SAMD4A: variants seen among roughly 807,000 people sequenced by gnomAD.
The protein encoded by SAMD4A is protein Smaug homolog 1.
A neutral mutation model predicts 81.3 loss-of-function variants in SAMD4A; 33 were observed. The ratio of observed to expected loss-of-function variants is 0.41; its 90% CI spans 0.31 to 0.54. The LOEUF (loss-of-function observed/expected upper bound fraction) is 0.54. SAMD4A is among the 20% of genes least tolerant of loss of function. SAMD4A has a pLI of 0.37. For missense variants in SAMD4A, 854 were observed against 951.1 expected (o/e 0.90, Z 1.34); for synonymous variants, 389 against 382.1 (o/e 1.02, Z -0.21).
intron 2 of SAMD4A, among the ~76,000 whole-genome samples, chr14:54,594,901 G>A (rs2140197548): frequency 6.6e-6 from 1 of 152,174 alleles, no homozygotes; most frequent in Middle Eastern, 3.4e-3. Flanking sequence ...CATCTTACAA[G>A]GTCTATTTCC....
chr14:54,631,521 G>A (rs1594754223), intron 2 of SAMD4A, among the ~76,000 whole-genome samples: 1 of 152,224 alleles, frequency 6.6e-6, no homozygotes. Flanking sequence ...TCATGTGAAG[G>A]TATAACAAGA....
chr14:54,689,728 T>C (rs1240372024), intron 2 of SAMD4A: 2 of 152,254 alleles, frequency 1.3e-5, no homozygotes, highest in Admixed American at 1.3e-4. Context: ...ACCAGCATCT[T>C]GGGCTCCGAT....
intron 8 of SAMD4A, among the ~76,000 whole-genome samples, chr14:54,767,021 C>CGG (rs2038564422): frequency 6.6e-6 from 1 of 152,180 alleles, no homozygotes; most frequent in East Asian, 1.9e-4. Flanking sequence ...GCTGGGGGCC[C>CGG]CGGTCAGGAA....
At chr14:54,665,744 C>G (rs2035744516) in intron 2 of SAMD4A, among the ~76,000 whole-genome samples, 1 of 152,130 alleles carries the variant, frequency 6.6e-6, no homozygotes, top group Non-Finnish European at 1.5e-5. Flanking sequence ...CTAACCATCC[C>G]TAATGAACCC....
chr14:54,671,865 G>A (rs1482909711), intron 2 of SAMD4A, among the ~76,000 whole-genome samples: 2 of 152,104 alleles, frequency 1.3e-5, no homozygotes, highest in African/African-American at 4.8e-5. Context: ...GCCCTAGCAG[G>A]AAGCTGAACT....
chr14:54,660,072 T>G (rs140967664), intron 2 of SAMD4A, among the ~76,000 whole-genome samples: 2,306 of 151,116 alleles, frequency 0.015, 44 homozygotes, highest in African/African-American at 0.052. Flanking sequence ...AGAGCGAGAC[T>G]CCGTCTCAGA....
At chr14:54,600,060 G>A (rs997569501) in intron 2 of SAMD4A, among the ~76,000 whole-genome samples, 1 of 152,174 alleles carries the variant, frequency 6.6e-6, no homozygotes, top group Non-Finnish European at 1.5e-5. Context: ...TGCCAGGCTG[G>A]AGTGAGTAAT....
chr14:54,687,793 T>C (rs1030481529), intron 2 of SAMD4A, among the ~76,000 whole-genome samples: 1 of 152,136 alleles, frequency 6.6e-6, no homozygotes, highest in Non-Finnish European at 1.5e-5. Context: ...TCAAGAAATG[T>C]TTGAGATGTA....
chr14:54,711,803 G>A (rs2036996032), intron 3 of SAMD4A, among the ~76,000 whole-genome samples: 2 of 151,934 alleles, frequency 1.3e-5, no homozygotes, highest in South Asian at 2.1e-4. Flanking sequence ...AGTGGAGGAC[G>A]AGTAGGAGTG....
chr14:54,774,663 A>AAAAAAAAAG (rs1555353324), intron 9 of SAMD4A, among the ~76,000 whole-genome samples: 1 of 151,554 alleles, frequency 6.6e-6, no homozygotes, highest in Non-Finnish European at 1.5e-5. Flanking sequence ...AAAAAAAAAA[A>AAAAAAAAAG]GTTAGCTGGG....
chr14:54,784,738 G>A lies in SAMD4A; in HGVS notation c.2128+118G>A, dbSNP rs555030507. 29 of 893,278 alleles carry A rather than the reference G, an allele frequency of 3.2e-5. No homozygotes were observed. In the South Asian group the frequency reaches 3.7e-4, roughly 11 times the overall value. 55.3% of individuals were successfully genotyped at this position (893,278 alleles called of 1,614,324 possible). A position where few individuals can be genotyped will look rare whatever the true frequency, so the allele number is the denominator to read the frequency against. ...GGAGAATTGGGGGAGGACAAGGAGG[G>A]GTAGGCAGGGGACAGGGAGAAAGAG... On this transcript the variant is annotated intron_variant, in intron 12 of 12. Transcript: ENST00000554335.
chr14:54,752,866 AG>A (rs2038143634), intron 6 of SAMD4A, among the ~76,000 whole-genome samples: 1 of 152,230 alleles, frequency 6.6e-6, no homozygotes, highest in Non-Finnish European at 1.5e-5. Context: ...TGTGAGCAAT[AG>A]AATCTACATC....
intron 4 of SAMD4A, among the ~76,000 whole-genome samples, chr14:54,745,838 A>G (rs2037955358): frequency 6.6e-6 from 1 of 152,148 alleles, no homozygotes; most frequent in African/African-American, 2.4e-5. Flanking sequence ...TCAATCACAT[A>G]TCAGCTTCTG....
chr14:54,660,498 G>T (rs189579025), intron 2 of SAMD4A, among the ~76,000 whole-genome samples: 19 of 152,334 alleles, frequency 1.2e-4, no homozygotes, highest in African/African-American at 4.1e-4. Flanking sequence ...TGGGGAGCAG[G>T]AGTCCAAGGA....
intron 4 of SAMD4A, among the ~76,000 whole-genome samples, chr14:54,739,779 G>A (rs752342630): frequency 3.3e-5 from 5 of 152,196 alleles, no homozygotes; most frequent in African/African-American, 7.2e-5. Flanking sequence ...GTGCACCCAA[G>A]GAGCAGCCCT....
rs2033920716 is a variant in SAMD4A at position 54,596,745 on chromosome 14, C to G, written c.196+28633C>G. On this transcript the variant is annotated intron_variant, in intron 2 of 12. Transcript: ENST00000554335. ...TCTCCTCAGGGTCCTGCTGGCAATCCCATTGGAGGACCCAAATGAACCCCA... is the reference window on the plus strand; with the variant it reads ...TCTCCTCAGGGTCCTGCTGGCAATCGCATTGGAGGACCCAAATGAACCCCA... Among the ~76,000 whole-genome samples, 3 of 152,154 alleles carry G rather than the reference C, an allele frequency of 2.0e-5. No individual in the cohort carries two copies. The South Asian group carries it at 6.2e-4, about 31-fold the overall frequency.
chr14:54,747,187 A>C (rs566905406), intron 4 of SAMD4A, among the ~76,000 whole-genome samples: 1 of 152,358 alleles, frequency 6.6e-6, no homozygotes, highest in African/African-American at 2.4e-5. Context: ...AGTAGAGTGA[A>C]GGGCTTTCAA....
intron 2 of SAMD4A, among the ~76,000 whole-genome samples, chr14:54,675,222 C>T (rs567315938): frequency 2.4e-4 from 37 of 151,886 alleles, no homozygotes; most frequent in Non-Finnish European, 3.5e-4. Flanking sequence ...AAAAATTAGC[C>T]GGGCGTGGTG....
At chr14:54,630,908 ATGTGTGTGTG>A (rs5808786) in intron 2 of SAMD4A, among the ~76,000 whole-genome samples, 3,294 of 144,346 alleles carry the variant, frequency 0.023, 106 homozygotes, top group African/African-American at 0.062. Flanking sequence ...TGTATTTTAT[ATGTGTGTGTG>A]TGTGTGTGTG....
Sources: gnomAD v4.1 joint callset for allele counts (sites outside exome capture counted in the v4.1 genomes callset) on GRCh38, gnomAD v4.1.1 for gene constraint, MANE v1.5 for transcripts, NCBI Gene and HGNC (gene_info 2026-07-23, HGNC 2026-07-21) for gene names.